The following DEPDC4 variants were observed in gnomAD, a reference collection of about 807,000 sequenced individuals.
DEPDC4 encodes DEP domain containing 4, also known as DEP domain-containing protein 4.
A neutral mutation model predicts 52.0 loss-of-function variants in DEPDC4; 52 were observed. The observed-to-expected ratio is 1.00, with a 90% CI of 0.80 to 1.26. The LOEUF (loss-of-function observed/expected upper bound fraction) is 1.26, where lower values mean the gene tolerates loss of function less well. DEPDC4 is among the 50% of genes most tolerant of loss of function. DEPDC4 has a pLI of 0.00. For synonymous variants in DEPDC4, 201 were observed against 196.8 expected (o/e 1.02, Z -0.18); for missense variants, 530 against 546.9 (o/e 0.97, Z 0.31).
At chr12:100,270,015 G>A (rs1488618021), upstream of DEPDC4, among the ~76,000 whole-genome samples, 1 of 149,418 alleles carries the variant, frequency 6.7e-6, no homozygotes, top group Admixed American at 6.7e-5. Context: ...GAGACGGAGT[G>A]TCACTCTGTC....
chr12:100,244,514 A>T (rs1592872434), intron 8 of DEPDC4, among the ~76,000 whole-genome samples: 1 of 151,358 alleles, frequency 6.6e-6, no homozygotes, highest in African/African-American at 2.4e-5. Context: ...TTGCTCTGTC[A>T]CCCCAGCTGT....
At chr12:100,281,285 T>C in the DEPDC4 span, among the ~76,000 whole-genome samples, 1 of 152,148 alleles carries the variant, frequency 6.6e-6, no homozygotes, top group African/African-American at 2.4e-5. Context: ...TCCATCAGCC[T>C]CCTAAAGTGC....
the DEPDC4 span, among the ~76,000 whole-genome samples, chr12:100,276,706 C>T: frequency 6.6e-6 from 1 of 151,690 alleles, no homozygotes; most frequent in Non-Finnish European, 1.5e-5. Context: ...TTTTTTTTTA[C>T]TTCATTGGAT....
At chr12:100,255,950 G>A (rs113468076) in intron 4 of DEPDC4, 99 bp downstream of exon 4, 6 of 827,316 alleles carry the variant, frequency 7.3e-6, no homozygotes, top group African/African-American at 3.4e-5. Context: ...GATAGTATAA[G>A]CTTATAACAT....
chr12:100,234,312 T>C (rs2096138317), intron 9 of DEPDC4, among the ~76,000 whole-genome samples: 1 of 152,148 alleles, frequency 6.6e-6, no homozygotes, highest in Non-Finnish European at 1.5e-5. Context: ...TGGGAATTTA[T>C]AGCCAAGAAG....
intron 7 of DEPDC4, among the ~76,000 whole-genome samples, chr12:100,251,501 G>A (rs1285978528): frequency 6.6e-6 from 1 of 151,844 alleles, no homozygotes; most frequent in Admixed American, 6.6e-5. Context: ...TCAATCTCAT[G>A]GGCTCAACTG....
chr12:100,259,081 A>AAAAAAAAT (rs543577636), intron 3 of DEPDC4, among the ~76,000 whole-genome samples: 10 of 149,090 alleles, frequency 6.7e-5, no homozygotes, highest in African/African-American at 2.5e-4. Context: ...AAAAAAAAAA[A>AAAAAAAAT]ATATATATAT....
chr12:100,251,535 G>C (rs2096207785), intron 7 of DEPDC4, among the ~76,000 whole-genome samples: 1 of 151,580 alleles, frequency 6.6e-6, no homozygotes, highest in African/African-American at 2.4e-5. Context: ...AGCCTCCCCA[G>C]TAGCTGGGAC....
At chr12:100,269,503 T>A (rs1248897979), upstream of DEPDC4, among the ~76,000 whole-genome samples, 1 of 152,162 alleles carries the variant, frequency 6.6e-6, no homozygotes, top group Non-Finnish European at 1.5e-5. Context: ...AAGTGCTGAA[T>A]GTTTATTAAA....
chr12:100,233,219 ACTC>A (rs2096136992), intron 9 of DEPDC4, among the ~76,000 whole-genome samples: 1 of 151,956 alleles, frequency 6.6e-6, no homozygotes, highest in Admixed American at 6.6e-5. Context: ...TTTACTCTCA[ACTC>A]CTCATCTTTC....
chr12:100,261,185 A>G (rs2096252490), intron 3 of DEPDC4, among the ~76,000 whole-genome samples: 1 of 151,702 alleles, frequency 6.6e-6, no homozygotes, highest in African/African-American at 2.4e-5. Flanking sequence ...CGTCTCAAAA[A>G]AAAAAAAAAA....
At chr12:100,254,393 T>G (rs2096223123) in intron 4 of DEPDC4, among the ~76,000 whole-genome samples, 1 of 150,224 alleles carries the variant, frequency 6.7e-6, no homozygotes, top group South Asian at 2.1e-4. Flanking sequence ...TGGCATGATC[T>G]TGGCTTACTG....
chr12:100,241,607 AT>A lies in DEPDC4; in HGVS notation c.*284del. 1.0e-6 allele frequency: 1 copy of A among 980,822 alleles called. No homozygotes were observed. Among genetic ancestry groups the A allele is most frequent in the South Asian group, 2.2e-5 (1 of 44,556 alleles). 60.8% of individuals were successfully genotyped at this position (980,822 alleles called of 1,614,324 possible). ...CTTTCTCTGAAGTGTAAGTATGGCA[AT>A]TTGAGAAAACCACCAGAGAATTGTT... is the stretch of plus-strand genomic sequence containing the variant. On this transcript the variant is annotated 3_prime_UTR_variant, in exon 10 of 10. Coordinates refer to ENST00000550587, the MANE Select transcript of DEPDC4 (RefSeq NM_001364818.2).
At chr12:100,255,216 G>A (rs893343743) in intron 4 of DEPDC4, among the ~76,000 whole-genome samples, 1 of 152,130 alleles carries the variant, frequency 6.6e-6, no homozygotes, top group East Asian at 1.9e-4. Context: ...TTCCTGCAGC[G>A]GCACCTGCAG....
downstream of DEPDC4, among the ~76,000 whole-genome samples, chr12:100,237,336 T>C (rs1035097843): frequency 2.6e-5 from 4 of 152,108 alleles, 1 homozygote; most frequent in Admixed American, 2.6e-4. Flanking sequence ...GCCTCCCAAG[T>C]AGCTGGGACT....
chr12:100,265,895 T>C (rs79024346), intron 1 of DEPDC4, among the ~76,000 whole-genome samples: 1 of 152,156 alleles, frequency 6.6e-6, no homozygotes, highest in Non-Finnish European at 1.5e-5. Context: ...ATTGTAATGG[T>C]GGCTGATGAA....
At chr12:100,261,772 C>A in intron 3 of DEPDC4, 1 of 456,714 alleles carries the variant, frequency 2.2e-6, no homozygotes, top group South Asian at 1.5e-5. Flanking sequence ...GAAACTCCTA[C>A]AGGGAAGAGA....
At chr12:100,266,874 C>T (rs2096276168) in intron 1 of DEPDC4, 46 bp downstream of exon 1, 2 of 1,584,132 alleles carry the variant, frequency 1.3e-6, no homozygotes, top group Non-Finnish European at 1.7e-6. Flanking sequence ...CCTTCAGCTG[C>T]CCCCTCCACC....
rs1186775475 is a variant in DEPDC4, at chr12:100,261,691, A to G, written c.700+573T>C. On this transcript the variant is annotated intron_variant, in intron 3 of 9. Transcript: ENST00000550587. ...AGTTAATCTGGTCACAGTCATTGTA[A>G]AAAATGAATTAAGTGTTATTAGATG... The G allele has an allele frequency of 1.1e-5, 5 of 456,572 alleles. No homozygotes were observed. The East Asian group carries it at 3.5e-4, about 32-fold the overall frequency. The allele number at this position is 456,572 out of a possible 1,614,324, so 28.3% of individuals were successfully genotyped here. A position where few individuals can be genotyped will look rare whatever the true frequency, so the allele number is the denominator to read the frequency against.
Sources: allele counts gnomAD v4.1 joint callset (sites outside exome capture counted in the v4.1 genomes callset), GRCh38; gene constraint gnomAD v4.1.1; transcripts MANE v1.5; gene names NCBI Gene and HGNC (gene_info 2026-07-23, HGNC 2026-07-21).